NCKAP1L: variants seen among roughly 807,000 people sequenced by gnomAD.
NCKAP1L encodes nck-associated protein 1-like.
NCKAP1L carries 53 observed loss-of-function variants against 139.2 expected under a neutral mutation model. That is an observed-to-expected ratio of 0.38 (90% confidence interval 0.31 to 0.48). The LOEUF is 0.48. Ranked by LOEUF, NCKAP1L falls within the 20% of genes least tolerant of loss-of-function variation. The pLI is 0.98. For missense variants in NCKAP1L, 1,151 were observed against 1,381.9 expected (o/e 0.83, Z 2.65); for synonymous variants, 468 against 499.7 (o/e 0.94, Z 0.85).
rs575004354 is a variant in NCKAP1L at position 54,547,769 on chromosome 12, C to A, written c.*5084C>A. On this transcript the variant is annotated 3_prime_UTR_variant, in exon 31 of 31. Coordinates refer to ENST00000293373, the MANE Select transcript of NCKAP1L (RefSeq NM_005337.5). Reference sequence around the variant, plus strand: ...TTCTTTTGTAGTTTCCAGCCCATTTCATTTTCAGTTGATAAGGAGGAGATT... The same window carrying A: ...TTCTTTTGTAGTTTCCAGCCCATTTAATTTTCAGTTGATAAGGAGGAGATT... 3.9e-4 allele frequency: 59 copies of A among 152,272 alleles called. No individual in the cohort carries two copies. Among genetic ancestry groups the A allele is most frequent in the African/African-American group, 1.4e-3 (57 of 41,554 alleles). The allele number at this position is 152,272 out of a possible 1,614,324, so 9.4% of individuals were successfully genotyped here.
In NCKAP1L at chr12:54,508,323, G is replaced by A. The variant is rs1284892053; in HGVS notation, c.364-66G>A. On this transcript the variant is annotated intron_variant, in intron 4 of 30. Coordinates refer to ENST00000293373, the MANE Select transcript of NCKAP1L (RefSeq NM_005337.5). ...TATTGAGCACTGTCCAGAGTGGTTG[G>A]GGAAAGAAGGAGATCCAGGTTAATT... 9 of 1,519,038 alleles carry A rather than the reference G, an allele frequency of 5.9e-6. No individual in the cohort carries two copies. In the East Asian group the frequency reaches 1.8e-4, roughly 30 times the overall value. The allele number at this position is 1,519,038 out of a possible 1,614,324, so 94.1% of individuals were successfully genotyped here. A position where few individuals can be genotyped will look rare whatever the true frequency, so the allele number is the denominator to read the frequency against.
chr12:54,513,419 G>A (rs1956904357), intron 9 of NCKAP1L, among the ~76,000 whole-genome samples: 1 of 152,206 alleles, frequency 6.6e-6, no homozygotes, highest in African/African-American at 2.4e-5. Context: ...AGATTGCTGA[G>A]TTGGTAGTTA....
intron 30 of NCKAP1L, among the ~76,000 whole-genome samples, chr12:54,541,719 C>T (rs1160697877): frequency 5.3e-5 from 8 of 152,190 alleles, no homozygotes; most frequent in African/African-American, 1.2e-4. Flanking sequence ...AGTGAATTTT[C>T]AGGACTTGGA....
chr12:54,501,133 C>G (rs2120869102), intron 3 of NCKAP1L, among the ~76,000 whole-genome samples: 1 of 152,238 alleles, frequency 6.6e-6, no homozygotes, highest in South Asian at 2.1e-4. Flanking sequence ...CTTTCCAGCC[C>G]CTTGCCATCA....
intron 16 of NCKAP1L, among the ~76,000 whole-genome samples, chr12:54,520,109 T>C (rs1477369875): frequency 1.3e-5 from 2 of 152,230 alleles, no homozygotes; most frequent in Non-Finnish European, 2.9e-5. Flanking sequence ...GCTTACTCAT[T>C]CATTCAACAA....
In NCKAP1L at chr12:54,526,674, A is replaced by G; in HGVS notation, c.2303A>G (p.Asn768Ser). The G allele has an allele frequency of 6.2e-7, 1 of 1,614,076 alleles. No individual in the cohort carries two copies. Among genetic ancestry groups the G allele is most frequent in the South Asian group, 1.1e-5 (1 of 91,076 alleles). Residue 768 changes from asparagine to serine, a missense_variant, in exon 21 of 31, where the codon AAC (asparagine) becomes AGC (serine). Coordinates refer to ENST00000293373, the MANE Select transcript of NCKAP1L (RefSeq NM_005337.5). ...GCAGATGCTTCCAGAGTCATCCGCAACGCCCTCCTGCAGCAGACACAACCA... is the reference window on the plus strand; with the variant it reads ...GCAGATGCTTCCAGAGTCATCCGCAGCGCCCTCCTGCAGCAGACACAACCA... ...LGADASRVIR[N>S]ALLQQTQPLD... is the part of the protein sequence containing the mutation.
At chr12:54,517,240 A>G (rs1307310162) in intron 11 of NCKAP1L, among the ~76,000 whole-genome samples, 1 of 152,176 alleles carries the variant, frequency 6.6e-6, no homozygotes, top group East Asian at 1.9e-4. Flanking sequence ...GTGTGAATGA[A>G]TTGGAGACAG....
At chr12:54,541,606 T>C (rs1957158576) in intron 30 of NCKAP1L, among the ~76,000 whole-genome samples, 1 of 152,216 alleles carries the variant, frequency 6.6e-6, no homozygotes, top group Non-Finnish European at 1.5e-5. Context: ...AGCTGTTGTG[T>C]GTGCATGTGT....
In NCKAP1L at chr12:54,542,865, G is replaced by A; in HGVS notation, c.*180G>A. 1.9e-6 allele frequency: 1 copy of A among 531,418 alleles called. No individual in the cohort carries two copies. The highest frequency in any genetic ancestry group is 3.4e-6 in the Non-Finnish European group (1 of 297,250). 32.9% of individuals were successfully genotyped at this position (531,418 alleles called of 1,614,324 possible). On this transcript the variant is annotated 3_prime_UTR_variant, in exon 31 of 31. Transcript: ENST00000293373. ...CAATCCAGGGCTGAGAAATCGTAGA[G>A]CAGTGAGGCAGGCTGGGAGCATGGA...
chr12:54,531,739 TC>T lies in NCKAP1L; in HGVS notation c.2699-3del, dbSNP rs769821502. ...TCTTTTCTAACACGCTTCTTTCTCCTCAGGGGCTGAAAATGTGCTAAAGCGC... is the reference window on the plus strand; with the variant it reads ...TCTTTTCTAACACGCTTCTTTCTCCTAGGGGCTGAAAATGTGCTAAAGCGC... On this transcript the variant is annotated splice_polypyrimidine_tract_variant and splice_region_variant and intron_variant, in intron 24 of 30. Transcript: ENST00000293373. 141 of 1,610,808 alleles carry T rather than the reference TC, an allele frequency of 8.8e-5. No homozygotes were observed. The highest frequency in any genetic ancestry group is 1.0e-4 in the Non-Finnish European group (120 of 1,177,308).
chr12:54,520,398 G>A (rs1218246012), intron 16 of NCKAP1L, among the ~76,000 whole-genome samples: 2 of 152,110 alleles, frequency 1.3e-5, no homozygotes, highest in African/African-American at 4.8e-5. Flanking sequence ...AAGGTTCTAA[G>A]GGAAGAATAG....
intron 3 of NCKAP1L, among the ~76,000 whole-genome samples, chr12:54,504,168 T>G (rs1956824213): frequency 6.6e-6 from 1 of 152,222 alleles, no homozygotes; most frequent in South Asian, 2.1e-4. Flanking sequence ...ATTTTCTAGT[T>G]TTTTCTACAA....
At chr12:54,510,044 T>C (rs1359508792) in intron 7 of NCKAP1L, 59 bp downstream of exon 7, 1 of 1,588,124 alleles carries the variant, frequency 6.3e-7, no homozygotes, top group East Asian at 2.2e-5. Context: ...CCATCATCTC[T>C]GTAGAGGGTG....
At chr12:54,512,960 T>C (rs1956900509) in intron 9 of NCKAP1L, among the ~76,000 whole-genome samples, 1 of 152,268 alleles carries the variant, frequency 6.6e-6, no homozygotes, top group Non-Finnish European at 1.5e-5. Flanking sequence ...TGCATGGGCA[T>C]CTGGGTTATA....
At position 54,526,870 on chromosome 12, in the gene NCKAP1L, C is replaced by T. The variant is rs897497426; in HGVS notation, c.2375+124C>T. The T allele has an allele frequency of 2.0e-5, 15 of 752,078 alleles. No homozygotes were observed. The African/African-American group carries it at 2.6e-4, about 13-fold the overall frequency. The allele number at this position is 752,078 out of a possible 1,614,324, so 46.6% of individuals were successfully genotyped here. ...TCATAGACTCCAAAATGGAGGGTTG[C>T]TTCTCCTTGAGGAATGGAGCAATAA... On this transcript the variant is annotated intron_variant, in intron 21 of 30. Coordinates refer to ENST00000293373, the MANE Select transcript of NCKAP1L (RefSeq NM_005337.5).
At chr12:54,519,875 ATTTT>A (rs79806874) in intron 16 of NCKAP1L, among the ~76,000 whole-genome samples, 4 of 137,390 alleles carry the variant, frequency 2.9e-5, no homozygotes, top group Non-Finnish European at 3.2e-5. Flanking sequence ...ACGTCTTCAG[ATTTT>A]TTTTTTTTTT....
chr12:54,526,826 A>G, intron 21 of NCKAP1L, 80 bp downstream of exon 21: 3 of 1,184,408 alleles, frequency 2.5e-6, no homozygotes, highest in Admixed American at 4.0e-5. Flanking sequence ...TCAGGGCCCG[A>G]GCATTTTAGC....
chr12:54,519,322 T>C lies in NCKAP1L; in HGVS notation c.1615T>C (p.Ser539Pro). The change falls in exon 16 of 31, where the codon TCT (serine) becomes CCT (proline). Residue 539 changes from serine (S) to proline (P), a missense_variant. By Grantham distance (74) the Ser-to-Pro change is moderately conservative. Transcript: ENST00000293373. ...ATTGCTGGTGGAAACTTCTGATCTG[T>C]CTACTTTCTGGTATGTCTTGGTTCA... Reference protein sequence around the residue: ...EKLLVETSDLSTFCFHLRIFE... With the variant: ...EKLLVETSDLPTFCFHLRIFE... 1 of 1,568,644 alleles carries C rather than the reference T, an allele frequency of 6.4e-7. No individual in the cohort carries two copies. Among genetic ancestry groups the C allele is most frequent in the Non-Finnish European group, 8.6e-7 (1 of 1,167,300 alleles).
chr12:54,542,690 C>T lies in NCKAP1L; in HGVS notation c.*5C>T, dbSNP rs765932335. ...CGGGCCTTCCACCTAAACTGAATGC[C>T]TGCCAGTACCCACTGAAGAGCCCTT... On this transcript the variant is annotated 3_prime_UTR_variant, in exon 31 of 31. Coordinates refer to ENST00000293373, the MANE Select transcript of NCKAP1L (RefSeq NM_005337.5). The T allele has an allele frequency of 3.7e-6, 6 of 1,603,476 alleles. No individual in the cohort carries two copies. In the Admixed American group the frequency reaches 5.0e-5, roughly 13 times the overall value.
Sources: allele counts gnomAD v4.1 joint callset (sites outside exome capture counted in the v4.1 genomes callset), GRCh38; gene constraint gnomAD v4.1.1; transcripts MANE v1.5; gene names NCBI Gene and HGNC (gene_info 2026-07-23, HGNC 2026-07-21).